The following ZC3H3 variants were observed in gnomAD, a reference collection of about 807,000 sequenced individuals.
The protein encoded by ZC3H3 is zinc finger CCCH domain-containing protein 3.
Under a neutral mutation model 77.3 loss-of-function variants are expected in ZC3H3, and 36 were observed. The observed-to-expected ratio is 0.47, with a 90% CI of 0.36 to 0.61. The LOEUF is 0.61. Among genes scored for constraint, ZC3H3 ranks in the 20% least tolerant of loss-of-function variants. The probability of loss-of-function intolerance (pLI) is 0.00; values close to 1 mark genes in which losing one functional copy is unlikely to be tolerated. For missense variants in ZC3H3, 1,331 were observed against 1,312.2 expected, an observed-to-expected ratio of 1.01 and a Z score of -0.22; for synonymous variants, 626 against 555.2, an observed-to-expected ratio of 1.13 and a Z score of -1.79.
Position 143,493,472 on chromosome 8 carries a change from G to A in ZC3H3, c.1715+14274C>T, listed in dbSNP as rs1159893124. Among the ~76,000 whole-genome samples the A allele has an allele frequency of 6.6e-5, 10 of 152,290 alleles. No homozygotes were observed. In the East Asian group the frequency reaches 1.7e-3, roughly 26 times the overall value. On this transcript the variant is annotated intron_variant, in intron 4 of 11. Transcript: ENST00000262577. This position sits in a 1 kb window ranked among gnomAD's most constrained non-coding sequence, Gnocchi z 4.8. ...AGGCTGCAGGAGGGGTCTGGCCCTC[G>A]GCCACACCTGGAGAAGGTGGAAGGT...
Position 143,483,175 on chromosome 8 carries a change from A to G in ZC3H3, c.1716-7590T>C, listed in dbSNP as rs1016888937. On this transcript the variant is annotated intron_variant, in intron 4 of 11. Transcript: ENST00000262577. ...GAGGCGGCGCCGCAGCGAATCCCCA[A>G]GTAGGTCAGGCAGAGCTGCGCCATG... 3.3e-5 allele frequency among the ~76,000 whole-genome samples: 5 copies of G among 152,362 alleles called. No homozygotes were observed. In the South Asian group the frequency reaches 6.2e-4, roughly 19 times the overall value.
At chr8:143,448,655 T>C (rs13267385) in intron 9 of ZC3H3, among the ~76,000 whole-genome samples, 53,162 of 152,128 alleles carry the variant, frequency 0.35, 9,724 homozygotes, top group Middle Eastern at 0.45. Context: ...ACTGAGTGCC[T>C]GCAGCTTTTC....
intron 9 of ZC3H3, among the ~76,000 whole-genome samples, chr8:143,448,221 G>A (rs966875389): frequency 7.9e-5 from 12 of 151,682 alleles, no homozygotes; most frequent in South Asian, 6.2e-4. Context: ...CAGGAGAACC[G>A]CTTGAACCTG....
At chr8:143,464,135 C>G (rs1820344094) in intron 9 of ZC3H3, among the ~76,000 whole-genome samples, 1 of 152,284 alleles carries the variant, frequency 6.6e-6, no homozygotes, top group Non-Finnish European at 1.5e-5. Context: ...CCCGCTGGAT[C>G]TGGCCGGCTC....
At chr8:143,479,824 G>A (rs752183331) in intron 4 of ZC3H3, among the ~76,000 whole-genome samples, 5 of 152,202 alleles carry the variant, frequency 3.3e-5, no homozygotes, top group Non-Finnish European at 7.4e-5. Flanking sequence ...CCAGGAGGGG[G>A]AGATAACATT....
chr8:143,531,836 T>G (rs1822620411), intron 3 of ZC3H3, among the ~76,000 whole-genome samples: 3 of 152,272 alleles, frequency 2.0e-5, no homozygotes, highest in Admixed American at 2.0e-4. Context: ...AGCAATATAG[T>G]GGCAGGGCTG....
At chr8:143,475,704 C>A in intron 4 of ZC3H3, 119 bp from the exon 5 acceptor site, 1 of 1,208,288 alleles carries the variant, frequency 8.3e-7, no homozygotes, top group Non-Finnish European at 1.1e-6. Flanking sequence ...GCAGCACTTG[C>A]GGTGGGTACA....
rs1053539573 is a variant in ZC3H3, at chr8:143,533,243, G to C, written c.1561+3014C>G. Reference sequence around the variant, plus strand: ...AAGCCACACTCCCAGATGGTGAACTGGCCCCACAGCCTCCTTGTGCTCCAG... The same window carrying C: ...AAGCCACACTCCCAGATGGTGAACTCGCCCCACAGCCTCCTTGTGCTCCAG... On this transcript the variant is annotated intron_variant, in intron 3 of 11. Coordinates refer to ENST00000262577, the MANE Select transcript of ZC3H3 (RefSeq NM_015117.3). This position sits in a 1 kb window ranked among gnomAD's most constrained non-coding sequence, Gnocchi z 4.0. 1.1e-4 allele frequency among the ~76,000 whole-genome samples: 16 copies of C among 152,148 alleles called. No homozygotes were observed. Among genetic ancestry groups the C allele is most frequent in the Non-Finnish European group, 2.2e-4 (15 of 68,026 alleles).
chr8:143,467,807 C>G (rs1586892895), intron 8 of ZC3H3, among the ~76,000 whole-genome samples: 1 of 464 alleles, frequency 2.2e-3, no homozygotes, highest in Non-Finnish European at 4.8e-3. Flanking sequence ...CTCCACCCAG[C>G]CCCCTCACAT....
At chr8:143,523,052 G>A (rs568767199) in intron 3 of ZC3H3, among the ~76,000 whole-genome samples, 1 of 152,210 alleles carries the variant, frequency 6.6e-6, no homozygotes, top group East Asian at 1.9e-4. Flanking sequence ...GGGCCCCTCA[G>A]GGTCAGGGGC....
In ZC3H3 at chr8:143,460,265, T is replaced by TAAAC; in HGVS notation, c.2307+5451_2307+5452insGTTT. Among the ~76,000 whole-genome samples the TAAAC allele has an allele frequency of 6.7e-6, 1 of 149,782 alleles. No homozygotes were observed. The highest frequency in any genetic ancestry group is 2.0e-4 in the East Asian group (1 of 5,120). On this transcript the variant is annotated intron_variant, in intron 9 of 11. Transcript: ENST00000262577. This position sits in a 1 kb window ranked among gnomAD's most constrained non-coding sequence, Gnocchi z 4.0. ...TATGTCTCAAAAATAAATAAATAAATAAATAAATAAATAAATAAATAAATA... is the reference window on the plus strand; with the variant it reads ...TATGTCTCAAAAATAAATAAATAAATAAACAAATAAATAAATAAATAAATAAATA...
chr8:143,533,618 G>A lies in ZC3H3; in HGVS notation c.1561+2639C>T, dbSNP rs997240340. Among the ~76,000 whole-genome samples, 21 of 151,902 alleles carry A rather than the reference G, an allele frequency of 1.4e-4. No homozygotes were observed. On this transcript the variant is annotated intron_variant, in intron 3 of 11. Coordinates refer to ENST00000262577, the MANE Select transcript of ZC3H3 (RefSeq NM_015117.3). This position sits in a 1 kb window ranked among gnomAD's most constrained non-coding sequence, Gnocchi z 4.0. ...GGGCCAGTGGTGGGCAAGTGAGTGG[G>A]ACGCCTTCCCCACCCCTTCCTCAGA...
Position 143,460,959 on chromosome 8 carries a change from G to A in ZC3H3, c.2307+4758C>T, listed in dbSNP as rs1388445950. On this transcript the variant is annotated intron_variant, in intron 9 of 11. Transcript: ENST00000262577. The surrounding 1 kb of genome is among the most constrained non-coding windows in gnomAD (Gnocchi z 4.0). ...GTGTCTAACTAGGGTTTGGGAAGCG[G>A]GGAGTGGAGAGTCATTGCTGAATAC... Among the ~76,000 whole-genome samples the A allele has an allele frequency of 1.3e-5, 2 of 152,288 alleles. No homozygotes were observed. Among genetic ancestry groups the A allele is most frequent in the African/African-American group, 4.8e-5 (2 of 41,536 alleles).
At chr8:143,474,840 C>T (rs1399299670) in intron 5 of ZC3H3, among the ~76,000 whole-genome samples, 2 of 152,256 alleles carry the variant, frequency 1.3e-5, no homozygotes, top group Non-Finnish European at 2.9e-5. Context: ...TTTCCCTGGG[C>T]TGGGAGGGCG....
At chr8:143,438,274 GC>G (rs1819636536) in intron 11 of ZC3H3, among the ~76,000 whole-genome samples, 187 bp from the exon 12 acceptor site, 1 of 152,156 alleles carries the variant, frequency 6.6e-6, no homozygotes, top group East Asian at 1.9e-4. Flanking sequence ...TTCAGCTTCT[GC>G]CCCCTGCTGC....
intron 9 of ZC3H3, among the ~76,000 whole-genome samples, chr8:143,444,743 A>G (rs1331895561): frequency 1.3e-5 from 2 of 152,260 alleles, no homozygotes; most frequent in Non-Finnish European, 2.9e-5. Context: ...TTCGTAAAAG[A>G]TAACTCCCAG....
At chr8:143,537,209 G>T (rs1250548011) in intron 2 of ZC3H3, among the ~76,000 whole-genome samples, 2 of 152,210 alleles carry the variant, frequency 1.3e-5, no homozygotes. Context: ...TCACAAGTCC[G>T]CAAGGGTGGA....
intron 3 of ZC3H3, among the ~76,000 whole-genome samples, chr8:143,523,907 G>A (rs569245649): frequency 8.5e-5 from 13 of 152,362 alleles, no homozygotes; most frequent in African/African-American, 3.1e-4. Flanking sequence ...GTGAAGGACG[G>A]GGCCTCACTA....
intron 9 of ZC3H3, among the ~76,000 whole-genome samples, chr8:143,441,831 C>T (rs1819750403): frequency 6.6e-6 from 1 of 152,190 alleles, no homozygotes; most frequent in African/African-American, 2.4e-5. Context: ...AGCCCAGCTG[C>T]CTGCCTGCCT....
Sources: gnomAD v4.1 joint callset for allele counts (sites outside exome capture counted in the v4.1 genomes callset) on GRCh38, gnomAD v4.1.1 for gene constraint, Gnocchi (gnomAD v3.1) non-coding constraint, MANE v1.5 for transcripts, NCBI Gene and HGNC (gene_info 2026-07-23, HGNC 2026-07-21) for gene names.